The following NEK1 variants were observed in gnomAD, a reference collection of about 807,000 sequenced individuals.
The protein encoded by NEK1 is serine/threonine-protein kinase Nek1.
A neutral mutation model predicts 182.1 loss-of-function variants in NEK1; 137 were observed. That is an observed-to-expected ratio of 0.75 (90% CI 0.65 to 0.87). The LOEUF is 0.87. Ranked by LOEUF, NEK1 falls within the 40% of genes least tolerant of loss-of-function variation. The pLI is 0.00. For synonymous variants in NEK1, 513 were observed against 492.2 expected (o/e 1.04, Z -0.56); for missense variants, 1,391 against 1,494.4 (o/e 0.93, Z 1.14).
At chr4:169,423,608 G>A (rs2111322833) in intron 31 of NEK1, among the ~76,000 whole-genome samples, 2 of 152,258 alleles carry the variant, frequency 1.3e-5, no homozygotes, top group Admixed American at 1.3e-4. Flanking sequence ...CAGAGAAATG[G>A]ATGTACTTTC....
intron 22 of NEK1, 55 bp from the exon 23 acceptor site, chr4:169,507,187 T>TG: frequency 2.1e-6 from 2 of 953,424 alleles, no homozygotes; most frequent in Non-Finnish European, 3.0e-6. Flanking sequence ...GCAGAGGTTT[T>TG]TTTTTTTTTT....
At chr4:169,545,127 T>C (rs1039055505) in intron 18 of NEK1, among the ~76,000 whole-genome samples, 1 of 150,176 alleles carries the variant, frequency 6.7e-6, no homozygotes, top group Non-Finnish European at 1.5e-5. Flanking sequence ...TATGTATACA[T>C]GTGCCATGCT....
intron 19 of NEK1, among the ~76,000 whole-genome samples, chr4:169,527,742 AAG>A (rs567286840): frequency 1.9e-3 from 285 of 152,308 alleles, no homozygotes; most frequent in African/African-American, 6.7e-3. Flanking sequence ...GGGAAATGGA[AAG>A]AGAGAAACAA....
intron 18 of NEK1, among the ~76,000 whole-genome samples, chr4:169,544,474 G>A (rs1760016813): frequency 6.6e-6 from 1 of 152,034 alleles, no homozygotes. Context: ...GGATGATGCT[G>A]GCCTCATAAA....
intron 12 of NEK1, among the ~76,000 whole-genome samples, chr4:169,570,627 C>A (rs1433470501): frequency 6.6e-6 from 1 of 151,976 alleles, no homozygotes; most frequent in Non-Finnish European, 1.5e-5. Flanking sequence ...GCCGCCCCTG[C>A]TAGGAAGTGA....
intron 23 of NEK1, among the ~76,000 whole-genome samples, chr4:169,501,505 G>T (rs1297849466): frequency 2.0e-5 from 3 of 152,082 alleles, no homozygotes; most frequent in Non-Finnish European, 2.9e-5. Flanking sequence ...CAGTCATAAA[G>T]CAAGTCTCAA....
At chr4:169,549,276 C>T (rs2149876021) in intron 18 of NEK1, among the ~76,000 whole-genome samples, 1 of 152,318 alleles carries the variant, frequency 6.6e-6, no homozygotes, top group African/African-American at 2.4e-5. Context: ...GCTCGCCCTC[C>T]TTGGGCTGTA....
intron 27 of NEK1, among the ~76,000 whole-genome samples, chr4:169,440,390 C>T (rs1739216459): frequency 6.6e-6 from 1 of 151,878 alleles, no homozygotes; most frequent in African/African-American, 2.4e-5. Context: ...ATTTAAAAAT[C>T]AATCAATGCA....
chr4:169,610,897 T>A (rs984377149), intron 2 of NEK1, among the ~76,000 whole-genome samples: 4 of 152,224 alleles, frequency 2.6e-5, no homozygotes, highest in African/African-American at 9.6e-5. Context: ...AAGCAATAAA[T>A]ACCATCTTGA....
chr4:169,512,807 G>C (rs1580363588), intron 19 of NEK1, among the ~76,000 whole-genome samples: 1 of 152,088 alleles, frequency 6.6e-6, no homozygotes, highest in African/African-American at 2.4e-5. Context: ...GGTTGGTAGA[G>C]CTTATGGATG....
chr4:169,458,956 G>A (rs992080322), intron 27 of NEK1, among the ~76,000 whole-genome samples: 1 of 151,492 alleles, frequency 6.6e-6, no homozygotes, highest in Non-Finnish European at 1.5e-5. Flanking sequence ...TTGTTATAAT[G>A]CCCAAAGGAA....
intron 27 of NEK1, among the ~76,000 whole-genome samples, chr4:169,452,879 T>C (rs540526485): frequency 6.7e-6 from 1 of 150,346 alleles, no homozygotes; most frequent in Non-Finnish European, 1.5e-5. Context: ...AAATTGTCCC[T>C]GTTTGCAGAT....
chr4:169,419,999 G>T (rs979763869), intron 31 of NEK1, among the ~76,000 whole-genome samples: 2 of 152,134 alleles, frequency 1.3e-5, no homozygotes, highest in African/African-American at 4.8e-5. Context: ...GAAGGCCTGG[G>T]ACATTAGCGT....
intron 19 of NEK1, among the ~76,000 whole-genome samples, chr4:169,535,735 C>T (rs1330740788): frequency 6.6e-6 from 1 of 150,924 alleles, no homozygotes; most frequent in Admixed American, 6.6e-5. Context: ...AAAATATTAG[C>T]CCAGCGTGGT....
At chr4:169,591,229 T>C (rs189548484) in intron 5 of NEK1, among the ~76,000 whole-genome samples, 2 of 151,088 alleles carry the variant, frequency 1.3e-5, no homozygotes, top group Admixed American at 1.3e-4. Flanking sequence ...CACTTCAGCC[T>C]CAAACTCCTG....
intron 35 of NEK1, among the ~76,000 whole-genome samples, chr4:169,398,201 AT>A (rs1731031907): frequency 6.6e-6 from 1 of 152,082 alleles, no homozygotes; most frequent in South Asian, 2.1e-4. Context: ...TACCTTTTAT[AT>A]TTTCATTTTG....
In NEK1 at chr4:169,478,775, C is replaced by T. The variant is rs1043121054; in HGVS notation, c.2139+628G>A. On this transcript the variant is annotated intron_variant, in intron 24 of 35. Transcript: ENST00000507142. Reference sequence around the variant, plus strand: ...CTCCTGTCTGTTGAATTCTAGGCCGCAGCTCCACACTATGAGCCCACTTCT... The same window carrying T: ...CTCCTGTCTGTTGAATTCTAGGCCGTAGCTCCACACTATGAGCCCACTTCT... Among the ~76,000 whole-genome samples the T allele has an allele frequency of 2.6e-4, 40 of 152,276 alleles. 1 individual carries two copies. Among genetic ancestry groups the T allele is most frequent in the African/African-American group, 9.4e-4 (39 of 41,576 alleles).
At chr4:169,611,083 GTAAA>G (rs556691754) in intron 2 of NEK1, among the ~76,000 whole-genome samples, 88 of 152,260 alleles carry the variant, frequency 5.8e-4, no homozygotes, top group African/African-American at 2.0e-3. Flanking sequence ...CTACCAACAG[GTAAA>G]TAAAGAATGT....
At chr4:169,446,841 C>A (rs374871009) in intron 27 of NEK1, among the ~76,000 whole-genome samples, 1 of 151,928 alleles carries the variant, frequency 6.6e-6, no homozygotes, top group Non-Finnish European at 1.5e-5. Flanking sequence ...TGAAGACAGG[C>A]TGCTTGAAAA....
Sources: gnomAD v4.1 joint callset for allele counts (sites outside exome capture counted in the v4.1 genomes callset) on GRCh38, gnomAD v4.1.1 for gene constraint, MANE v1.5 for transcripts, NCBI Gene and HGNC (gene_info 2026-07-23, HGNC 2026-07-21) for gene names.